The following TENM4 variants were observed in gnomAD, a reference collection of about 807,000 sequenced individuals.
The protein encoded by TENM4 is teneurin transmembrane protein 4.
A neutral mutation model predicts 243.3 loss-of-function variants in TENM4; 82 were observed. That is an observed-to-expected ratio of 0.34 (90% CI 0.28 to 0.40). The LOEUF is 0.40. Among genes scored for constraint, TENM4 ranks in the 10% least tolerant of loss-of-function variants. The pLI is 1.00. For synonymous variants in TENM4, 1,412 were observed against 1,456.3 expected (o/e 0.97, Z 0.69); for missense variants, 3,138 against 3,673.3 (o/e 0.85, Z 3.77).
intron 28 of TENM4, among the ~76,000 whole-genome samples, chr11:78,693,783 G>A (rs1023108056): frequency 6.6e-6 from 1 of 152,198 alleles, no homozygotes; most frequent in Non-Finnish European, 1.5e-5. Context: ...GGAGGCCAAG[G>A]GGGGTGGATC....
At chr11:78,979,684 G>A (rs1015207441) in intron 6 of TENM4, among the ~76,000 whole-genome samples, 4 of 152,192 alleles carry the variant, frequency 2.6e-5, no homozygotes, top group Non-Finnish European at 5.9e-5. Flanking sequence ...GGAACTCCAA[G>A]TACTAAGAGT....
Position 79,258,944 on chromosome 11 carries a change from C to G in TENM4, c.-265+38544G>C, listed in dbSNP as rs527666623. ...AAGCTGAGTTCCAGTCCTGGCCCCC[C>G]CCACCTACTAGCTGTATGGCCAGGG... On this transcript the variant is annotated intron_variant, in intron 2 of 33. Transcript: ENST00000278550. 2.6e-4 allele frequency among the ~76,000 whole-genome samples: 40 copies of G among 152,334 alleles called. No individual in the cohort carries two copies. In the South Asian group the frequency reaches 7.3e-3, roughly 28 times the overall value.
At chr11:79,397,530 T>G (rs994442497) in intron 1 of TENM4, among the ~76,000 whole-genome samples, 1 of 152,168 alleles carries the variant, frequency 6.6e-6, no homozygotes, top group African/African-American at 2.4e-5. Flanking sequence ...TATCTCCAAA[T>G]TTTTGGCATC....
At chr11:78,885,878 CTG>C (rs2136283452) in intron 9 of TENM4, among the ~76,000 whole-genome samples, 1 of 152,304 alleles carries the variant, frequency 6.6e-6, no homozygotes, top group African/African-American at 2.4e-5. Context: ...TGAGCTATGA[CTG>C]TGCCGGTGCA....
intron 3 of TENM4, among the ~76,000 whole-genome samples, chr11:79,194,364 A>G (rs1436036752): frequency 6.6e-6 from 1 of 152,046 alleles, no homozygotes; most frequent in African/African-American, 2.4e-5. Context: ...GAACTATGTA[A>G]CAGGAAGAGA....
In TENM4 at chr11:79,064,796, G is replaced by T. The variant is rs1355954448; in HGVS notation, c.435C>A (p.Ser145=). 1.7e-5 allele frequency: 26 copies of T among 1,551,458 alleles called. No homozygotes were observed. The highest frequency in any genetic ancestry group is 2.2e-5 in the Non-Finnish European group (25 of 1,146,988). Reference sequence around the variant, plus strand: ...GTGTGAGATTGGAATTGGCCCGGCTGGACAGGCAGGAGCTGCGCCCTGACC... The same window carrying T: ...GTGTGAGATTGGAATTGGCCCGGCTTGACAGGCAGGAGCTGCGCCCTGACC... ...STRSGRSSCL[S]SRANSNLTLT... is the part of the protein sequence containing the mutation. Residue 145 remains serine (S), a synonymous_variant, in exon 6 of 34, where the codon TCC becomes TCA. Coordinates refer to ENST00000278550, the MANE Select transcript of TENM4 (RefSeq NM_001098816.3).
At chr11:79,091,926 G>A (rs894650115) in intron 4 of TENM4, among the ~76,000 whole-genome samples, 1 of 152,184 alleles carries the variant, frequency 6.6e-6, no homozygotes, top group African/African-American at 2.4e-5. Context: ...CCTAACTTGG[G>A]AGTCACGCTT....
chr11:79,164,536 G>GTACTATATATATCTATATAC (rs1862863799), intron 3 of TENM4, among the ~76,000 whole-genome samples: 1 of 138,868 alleles, frequency 7.2e-6, no homozygotes, highest in African/African-American at 2.7e-5. Context: ...ATACTATATA[G>GTACTATATATATCTATATAC]TACTATATAT....
intron 1 of TENM4, among the ~76,000 whole-genome samples, chr11:79,437,333 G>C (rs1186119801): frequency 1.3e-5 from 2 of 152,324 alleles, no homozygotes; most frequent in Non-Finnish European, 2.9e-5. Flanking sequence ...TGACGAGAAG[G>C]GCTCCCCCGC....
chr11:79,036,441 C>T (rs767498484), intron 6 of TENM4, among the ~76,000 whole-genome samples: 5 of 152,138 alleles, frequency 3.3e-5, no homozygotes, highest in Non-Finnish European at 7.4e-5. Flanking sequence ...AAAGGGAACT[C>T]GGTGTTCAGG....
At chr11:79,060,360 G>A (rs1315228238) in intron 6 of TENM4, among the ~76,000 whole-genome samples, 1 of 152,218 alleles carries the variant, frequency 6.6e-6, no homozygotes, top group Admixed American at 6.5e-5. Flanking sequence ...TTAACCTTCA[G>A]GGGCAGAAAT....
rs1857816527 is a variant in TENM4, at chr11:78,653,376, A to T, written c.*4682T>A. The T allele has an allele frequency of 6.6e-6, 1 of 152,098 alleles. No homozygotes were observed. Among genetic ancestry groups the T allele is most frequent in the African/African-American group, 2.4e-5 (1 of 41,420 alleles). 9.4% of individuals were successfully genotyped at this position (152,098 alleles called of 1,614,324 possible). A position where few individuals can be genotyped will look rare whatever the true frequency, so the allele number is the denominator to read the frequency against. ...TTTTTTTTTTCTAGAAGGTATCTAC[A>T]TCTGCATTTATTTACAGCCTTGTTG... On this transcript the variant is annotated 3_prime_UTR_variant, in exon 34 of 34. Coordinates refer to ENST00000278550, the MANE Select transcript of TENM4 (RefSeq NM_001098816.3).
chr11:79,389,937 C>T (rs976098272), intron 1 of TENM4, among the ~76,000 whole-genome samples: 2 of 152,152 alleles, frequency 1.3e-5, no homozygotes, highest in South Asian at 2.1e-4. Context: ...TTCCAGAAAA[C>T]GTTTGCTGAC....
chr11:78,744,617 A>G (rs992147404), intron 19 of TENM4, among the ~76,000 whole-genome samples: 1 of 152,232 alleles, frequency 6.6e-6, no homozygotes, highest in Non-Finnish European at 1.5e-5. Flanking sequence ...TGGCTTCACA[A>G]TTCAGGGTTC....
At chr11:79,013,818 T>C (rs1858708091) in intron 6 of TENM4, among the ~76,000 whole-genome samples, 1 of 152,184 alleles carries the variant, frequency 6.6e-6, no homozygotes, top group African/African-American at 2.4e-5. Context: ...CCAAAGGCTC[T>C]TCAACTGCAT....
chr11:79,042,865 G>A (rs1859571492), intron 6 of TENM4, among the ~76,000 whole-genome samples: 1 of 152,180 alleles, frequency 6.6e-6, no homozygotes, highest in South Asian at 2.1e-4. Context: ...GAACCAGGGT[G>A]ATCTTCCTAA....
intron 17 of TENM4, among the ~76,000 whole-genome samples, chr11:78,777,440 G>T (rs1360071059): frequency 6.6e-6 from 1 of 152,128 alleles, no homozygotes; most frequent in African/African-American, 2.4e-5. Context: ...AGCCAATTTA[G>T]CCTTTTCCTT....
chr11:79,336,075 C>T (rs1857142353), intron 1 of TENM4, among the ~76,000 whole-genome samples: 1 of 132,470 alleles, frequency 7.5e-6, no homozygotes, highest in Non-Finnish European at 1.7e-5. Flanking sequence ...GGACTTGAAT[C>T]CAGGCCTGAC....
chr11:79,074,014 G>T (rs1860477978), intron 4 of TENM4, among the ~76,000 whole-genome samples: 2 of 152,080 alleles, frequency 1.3e-5, no homozygotes, highest in African/African-American at 4.8e-5. Context: ...TGTGCCTGTT[G>T]ACTGAAGACA....
Sources: gnomAD v4.1 joint callset for allele counts (sites outside exome capture counted in the v4.1 genomes callset) on GRCh38, gnomAD v4.1.1 for gene constraint, MANE v1.5 for transcripts, NCBI Gene and HGNC (gene_info 2026-07-23, HGNC 2026-07-21) for gene names.